Variants in TIAM1 observed in about 807,000 individuals in gnomAD.
The protein encoded by TIAM1 is rho guanine nucleotide exchange factor TIAM1.
Under a neutral mutation model 163.5 loss-of-function variants are expected in TIAM1, and 65 were observed. That is an observed-to-expected ratio of 0.40 (90% confidence interval 0.33 to 0.49). The LOEUF is 0.49. TIAM1 is among the 20% of genes least tolerant of loss of function. The pLI is 0.77. For synonymous variants in TIAM1, 833 were observed against 810.1 expected (o/e 1.03, Z -0.48); for missense variants, 1,789 against 2,044.7 (o/e 0.87, Z 2.41).
At chr21:31,210,619 A>G (rs1427949441) in intron 10 of TIAM1, among the ~76,000 whole-genome samples, 27 of 13,760 alleles carry the variant, frequency 2.0e-3, no homozygotes, top group South Asian at 5.7e-3. Context: ...GGAAGGGAGA[A>G]AGAAAGAAAG....
At chr21:31,300,093 G>T (rs987032103) in intron 2 of TIAM1, among the ~76,000 whole-genome samples, 1 of 152,162 alleles carries the variant, frequency 6.6e-6, no homozygotes, top group Non-Finnish European at 1.5e-5. Flanking sequence ...GAATGGGTTA[G>T]TACCAGCCCC....
chr21:31,194,119 C>T (rs1331430639), intron 13 of TIAM1, among the ~76,000 whole-genome samples: 1 of 147,118 alleles, frequency 6.8e-6, no homozygotes, highest in East Asian at 2.1e-4. Context: ...GGAGAGAGAG[C>T]TATTCTCCTT....
At chr21:31,498,447 C>A (rs1159296510) in intron 1 of TIAM1, among the ~76,000 whole-genome samples, 1 of 152,152 alleles carries the variant, frequency 6.6e-6, no homozygotes, top group Non-Finnish European at 1.5e-5. Context: ...CCCCGCAGCA[C>A]CCCCACTCTC....
chr21:31,330,713 T>C (rs1425863940), intron 2 of TIAM1, among the ~76,000 whole-genome samples: 3 of 152,156 alleles, frequency 2.0e-5, no homozygotes, highest in African/African-American at 7.2e-5. Flanking sequence ...TCTCTGTATG[T>C]TTTTAATAGC....
chr21:31,256,862 T>G (rs956322581), intron 4 of TIAM1, among the ~76,000 whole-genome samples: 1 of 152,152 alleles, frequency 6.6e-6, no homozygotes. Context: ...GCCCAGCACA[T>G]AGTACCTGCT....
rs1569034899 is a variant in TIAM1 at position 31,210,802 on chromosome 21, G to GAAAGAAAGAA, written c.2218-597_2218-588dup. On this transcript the variant is annotated intron_variant, in intron 10 of 27. Coordinates refer to ENST00000541036, the MANE Select transcript of TIAM1 (RefSeq NM_001353694.2). ...AGAAAGAAAGAAAGAAAGAAAGAAA[G>GAAAGAAAGAA]AAAGAAAGAAAGGTCACCATTCAGC... Among the ~76,000 whole-genome samples, 87 of 145,120 alleles carry GAAAGAAAGAA rather than the reference G, an allele frequency of 6.0e-4. 4 individuals carry two copies. The highest frequency in any genetic ancestry group is 2.2e-3 in the African/African-American group (80 of 36,610).
intron 2 of TIAM1, among the ~76,000 whole-genome samples, chr21:31,382,597 C>T (rs1385015582): frequency 6.6e-6 from 1 of 152,152 alleles, no homozygotes; most frequent in East Asian, 1.9e-4. Flanking sequence ...TCTGAAAAGG[C>T]AATTAATGAG....
In TIAM1 at chr21:31,182,533, C is replaced by T; in HGVS notation, c.2775G>A (p.Arg925=). Residue 925 remains arginine (R), a synonymous_variant, in exon 15 of 28, where the codon AGG becomes AGA. Transcript: ENST00000541036. ...LSQPSLGLLV[R]TYPELEEGVE... ...CTCCTTCCTCCAGCTCGGGGTAGGT[C>T]CTCACCAGGAGGCCCAGCGAGGGCT... The T allele has an allele frequency of 1.2e-6, 2 of 1,613,996 alleles. No homozygotes were observed. The highest frequency in any genetic ancestry group is 2.7e-5 in the African/African-American group (2 of 75,064).
At chr21:31,408,156 G>A (rs2147232710) in intron 2 of TIAM1, among the ~76,000 whole-genome samples, 1 of 152,234 alleles carries the variant, frequency 6.6e-6, no homozygotes, top group East Asian at 1.9e-4. Flanking sequence ...ACATTATTCA[G>A]GGTATTCTTG....
At position 31,185,648 on chromosome 21, in the gene TIAM1, T is replaced by C. The variant is rs2085268261; in HGVS notation, c.2662+1353A>G. 2.1e-5 allele frequency among the ~76,000 whole-genome samples: 3 copies of C among 144,898 alleles called. 1 individual carries two copies. The South Asian group carries it at 6.3e-4, about 30-fold the overall frequency. ...ATTATATATCATTATATGATAATTA[T>C]ATTATAATAATTACAATATCATCAT... On this transcript the variant is annotated intron_variant, in intron 14 of 27. Coordinates refer to ENST00000541036, the MANE Select transcript of TIAM1 (RefSeq NM_001353694.2).
At chr21:31,163,852 T>C (rs1221454247) in intron 16 of TIAM1, among the ~76,000 whole-genome samples, 1 of 152,102 alleles carries the variant, frequency 6.6e-6, no homozygotes, top group Non-Finnish European at 1.5e-5. Flanking sequence ...TTAGGTTAAG[T>C]GACTAGTAAG....
chr21:31,172,541 G>A (rs941439431), intron 15 of TIAM1, among the ~76,000 whole-genome samples: 2 of 152,150 alleles, frequency 1.3e-5, no homozygotes, highest in Admixed American at 1.3e-4. Flanking sequence ...CGTGGCTGGA[G>A]AAGCAGGATG....
chr21:31,145,069 G>A (rs928978435), intron 20 of TIAM1, among the ~76,000 whole-genome samples: 4 of 151,964 alleles, frequency 2.6e-5, no homozygotes, highest in Non-Finnish European at 5.9e-5. Context: ...TAACAATCTC[G>A]TAACAATTAG....
chr21:31,360,865 T>G (rs2076395529), intron 2 of TIAM1, among the ~76,000 whole-genome samples: 1 of 152,168 alleles, frequency 6.6e-6, no homozygotes, highest in South Asian at 2.1e-4. Flanking sequence ...GAAATCCACT[T>G]ATTACCAGAA....
chr21:31,347,307 C>G (rs997655939), upstream of TIAM1, among the ~76,000 whole-genome samples: 4 of 152,116 alleles, frequency 2.6e-5, no homozygotes, highest in Admixed American at 6.5e-5. Flanking sequence ...ACTGGAGAGG[C>G]CCCAGGCATT....
intron 4 of TIAM1, among the ~76,000 whole-genome samples, chr21:31,259,736 GAGTC>G (rs1410062384): frequency 6.6e-6 from 1 of 151,932 alleles, no homozygotes; most frequent in East Asian, 1.9e-4. Flanking sequence ...TACTTCCAGG[GAGTC>G]AGTGAGGCTC....
chr21:31,250,196 G>T (rs1169049722), intron 5 of TIAM1, among the ~76,000 whole-genome samples: 1 of 149,946 alleles, frequency 6.7e-6, no homozygotes, highest in Non-Finnish European at 1.5e-5. Flanking sequence ...TGTAGGAATA[G>T]CTGAGCAACA....
At chr21:31,450,202 A>G (rs748909492) in intron 2 of TIAM1, among the ~76,000 whole-genome samples, 7 of 152,144 alleles carry the variant, frequency 4.6e-5, no homozygotes, top group Non-Finnish European at 1.0e-4. Context: ...TCTGTATCCT[A>G]TCATAACTGG....
intron 2 of TIAM1, among the ~76,000 whole-genome samples, chr21:31,351,071 T>A (rs2076226358): frequency 6.6e-6 from 1 of 152,256 alleles, no homozygotes; most frequent in South Asian, 2.1e-4. Context: ...CTTGCTGCCA[T>A]CTTCCCTAAT....
Sources: allele counts gnomAD v4.1 joint callset (sites outside exome capture counted in the v4.1 genomes callset), GRCh38; gene constraint gnomAD v4.1.1; transcripts MANE v1.5; gene names NCBI Gene and HGNC (gene_info 2026-07-23, HGNC 2026-07-21).